CHRM3: variants seen among roughly 807,000 people sequenced by gnomAD.
The protein encoded by CHRM3 is cholinergic receptor muscarinic 3.
Under a neutral mutation model 41.8 loss-of-function variants are expected in CHRM3, and 11 were observed. The observed-to-expected ratio is 0.26, with a 90% CI of 0.17 to 0.44. The LOEUF (loss-of-function observed/expected upper bound fraction) is 0.44. CHRM3 is among the 20% of genes least tolerant of loss of function. The probability of loss-of-function intolerance (pLI) is 1.00; values close to 1 mark genes in which losing one functional copy is unlikely to be tolerated. For missense variants in CHRM3, 571 were observed against 745.4 expected, an observed-to-expected ratio of 0.77 and a Z score of 2.72; for synonymous variants, 297 against 301.4, an observed-to-expected ratio of 0.99 and a Z score of 0.15.
chr1:239,863,766 G>A, intron 6 of CHRM3, among the ~76,000 whole-genome samples: 2 of 152,132 alleles, frequency 1.3e-5, no homozygotes, highest in Middle Eastern at 6.8e-3. Flanking sequence ...GTAGACAGTG[G>A]CATAATTCTT....
At chr1:239,529,609 C>CAAAAAAAAAAAAAAAA (rs74990447) in intron 2 of CHRM3, among the ~76,000 whole-genome samples, 1 of 110,856 alleles carries the variant, frequency 9.0e-6, no homozygotes, top group East Asian at 3.0e-4. Context: ...GACTCCGTCT[C>CAAAAAAAAAAAAAAAA]AAAAAAAAAA....
intron 3 of CHRM3, among the ~76,000 whole-genome samples, chr1:239,579,477 C>A (rs1662669406): frequency 6.6e-6 from 1 of 152,158 alleles, no homozygotes; most frequent in Admixed American, 6.6e-5. Context: ...AGGTCACCAG[C>A]CTTATCTAAG....
At chr1:239,813,593 G>C (rs61831561) in intron 5 of CHRM3, among the ~76,000 whole-genome samples, 5,712 of 152,150 alleles carry the variant, frequency 0.038, 101 homozygotes, top group Middle Eastern at 0.058. Context: ...ACTTCAGGAA[G>C]TCCCAAGAAA....
intron 3 of CHRM3, among the ~76,000 whole-genome samples, chr1:239,561,809 G>GT (rs1558320471): frequency 6.6e-6 from 1 of 151,968 alleles, no homozygotes; most frequent in Non-Finnish European, 1.5e-5. Context: ...ACCTAGAAAT[G>GT]TCCTTATCAC....
At chr1:239,613,817 G>A (rs1667329737) in intron 3 of CHRM3, among the ~76,000 whole-genome samples, 2 of 151,766 alleles carry the variant, frequency 1.3e-5, no homozygotes. Flanking sequence ...CCGCAGTAAT[G>A]ACTCCAGTCA....
chr1:239,761,611 T>A (rs1666779945), intron 5 of CHRM3, among the ~76,000 whole-genome samples: 1 of 152,234 alleles, frequency 6.6e-6, no homozygotes, highest in East Asian at 1.9e-4. Flanking sequence ...AAGTGCCTAC[T>A]CTGGCACTAC....
At chr1:239,771,432 G>A (rs937045894) in intron 5 of CHRM3, among the ~76,000 whole-genome samples, 1 of 152,092 alleles carries the variant, frequency 6.6e-6, no homozygotes, top group African/African-American at 2.4e-5. Context: ...AAAAAGAATG[G>A]AAATCTGTTC....
chr1:239,557,123 G>A lies in CHRM3; in HGVS notation c.-313+11374G>A, dbSNP rs959569929. Among the ~76,000 whole-genome samples the A allele has an allele frequency of 2.4e-4, 36 of 152,114 alleles. 1 individual carries two copies. The highest frequency in any genetic ancestry group is 1.5e-5 in the Non-Finnish European group (1 of 68,024). ...CCAGAGAGCTATCTTCTTTTGCTCT[G>A]AATCTGTTTGCCTGTGAAGTTGATC... On this transcript the variant is annotated intron_variant, in intron 3 of 6. Coordinates refer to ENST00000676153, the MANE Select transcript of CHRM3 (RefSeq NM_001375978.1).
intron 6 of CHRM3, among the ~76,000 whole-genome samples, chr1:239,833,606 G>A (rs551085620): frequency 8.5e-5 from 13 of 152,304 alleles, no homozygotes; most frequent in South Asian, 6.2e-4. Context: ...TGACCAAGCC[G>A]AGGAATTCCT....
intron 1 of CHRM3, among the ~76,000 whole-genome samples, chr1:239,390,555 C>T (rs1456854105): frequency 1.3e-5 from 2 of 151,918 alleles, no homozygotes; most frequent in Admixed American, 1.3e-4. Context: ...TCCCTCTGCC[C>T]ACCCTCCACG....
chr1:239,463,069 G>A (rs551711456), intron 1 of CHRM3, among the ~76,000 whole-genome samples: 21 of 152,208 alleles, frequency 1.4e-4, no homozygotes, highest in South Asian at 8.3e-4. Context: ...CTAACTAATC[G>A]ATTGAACAAC....
chr1:239,467,463 G>T (rs1432760113), intron 1 of CHRM3, among the ~76,000 whole-genome samples: 2 of 152,002 alleles, frequency 1.3e-5, no homozygotes, highest in Non-Finnish European at 2.9e-5. Context: ...CACCACGCCA[G>T]GCTAATTTTT....
rs146077845 is a variant in CHRM3 at position 239,583,865 on chromosome 1, G to GA, written c.-313+38124dup. Among the ~76,000 whole-genome samples, 655 of 151,586 alleles carry GA rather than the reference G, an allele frequency of 4.3e-3. 1 individual carries two copies. Among genetic ancestry groups the GA allele is most frequent in the Admixed American group, 6.2e-3 (94 of 15,230 alleles). ...TGCAAAACTCTTGTGACTATTTAGAGAAAAAAAATGCTTTAAATTATGAGT... is the reference window on the plus strand; with the variant it reads ...TGCAAAACTCTTGTGACTATTTAGAGAAAAAAAAATGCTTTAAATTATGAGT... On this transcript the variant is annotated intron_variant, in intron 3 of 6. Transcript: ENST00000676153.
intron 3 of CHRM3, among the ~76,000 whole-genome samples, chr1:239,610,545 TA>T (rs1413286715): frequency 6.6e-6 from 1 of 152,204 alleles, no homozygotes; most frequent in Non-Finnish European, 1.5e-5. Flanking sequence ...CAATTATAGC[TA>T]AAAGTGAACA....
At chr1:239,895,023 A>G (rs775974018) in intron 6 of CHRM3, among the ~76,000 whole-genome samples, 16 of 152,226 alleles carry the variant, frequency 1.1e-4, no homozygotes, top group Non-Finnish European at 1.9e-4. Context: ...GAACAATTAC[A>G]AAACAATTTC....
intron 1 of CHRM3, among the ~76,000 whole-genome samples, chr1:239,429,964 CCAGA>C (rs1662694869): frequency 1.4e-5 from 2 of 143,176 alleles, no homozygotes; most frequent in Non-Finnish European, 1.5e-5. Flanking sequence ...AAATAAACAC[CCAGA>C]CAATCTTTTT....
intron 5 of CHRM3, chr1:239,720,289 C>CA (rs1261407401): frequency 6.6e-6 from 1 of 151,826 alleles, no homozygotes; most frequent in South Asian, 2.1e-4. Context: ...TTTTCTAAAA[C>CA]AAAAAACTTT....
chr1:239,844,843 A>G (rs1674131675), intron 6 of CHRM3, among the ~76,000 whole-genome samples: 1 of 152,164 alleles, frequency 6.6e-6, no homozygotes, highest in Non-Finnish European at 1.5e-5. Context: ...CAGGCTCCCA[A>G]CCCAAACACT....
chr1:239,683,793 T>A (rs1658808162), intron 5 of CHRM3, among the ~76,000 whole-genome samples: 1 of 152,188 alleles, frequency 6.6e-6, no homozygotes, highest in Non-Finnish European at 1.5e-5. Context: ...GATCATTCTC[T>A]TGCCTCTATT....
Sources: gnomAD v4.1 joint callset for allele counts (sites outside exome capture counted in the v4.1 genomes callset) on GRCh38, gnomAD v4.1.1 for gene constraint, MANE v1.5 for transcripts, NCBI Gene and HGNC (gene_info 2026-07-23, HGNC 2026-07-21) for gene names.